FCSK: variants seen among roughly 807,000 people sequenced by gnomAD.
FCSK encodes L-fucose kinase.
In FCSK, 123 loss-of-function variants were observed where a neutral mutation model predicts 122.5. The observed-to-expected ratio is 1.00, with a 90% CI of 0.87 to 1.17. The LOEUF is 1.17. Ranked by LOEUF, FCSK falls within the 50% of genes most tolerant of loss-of-function variation. The pLI, the probability that FCSK is intolerant of heterozygous loss-of-function variation, is 0.00. For missense variants in FCSK, 1,366 were observed against 1,450.4 expected (o/e 0.94, Z 0.95); for synonymous variants, 620 against 625.5 (o/e 0.99, Z 0.13).
At chr16:70,464,381 G>A (rs2048354457) in intron 3 of FCSK, among the ~76,000 whole-genome samples, 1 of 152,164 alleles carries the variant, frequency 6.6e-6, no homozygotes, top group African/African-American at 2.4e-5. Context: ...GCCGGGCGCG[G>A]TGGCTCATGC....
At position 70,479,746 on chromosome 16, in the gene FCSK, T is replaced by C. The variant is rs2048941018; in HGVS notation, c.*66T>C. On this transcript the variant is annotated 3_prime_UTR_variant, in exon 24 of 24. Transcript: ENST00000288078. The stretch of plus-strand genomic sequence containing the variant: ...AGTGTCCCCCACCTTCCTTGCCCCA[T>C]GGGAACCTCCACCTCCTACTCCCCA... The C allele has an allele frequency of 1.5e-6, 2 of 1,306,460 alleles. No homozygotes were observed. Among genetic ancestry groups the C allele is most frequent in the Admixed American group, 3.9e-5 (2 of 51,396 alleles). The allele number at this position is 1,306,460 out of a possible 1,614,324, so 80.9% of individuals were successfully genotyped here.
At chr16:70,459,879 G>A (rs1002287338) in intron 1 of FCSK, among the ~76,000 whole-genome samples, 1 of 148,752 alleles carries the variant, frequency 6.7e-6, no homozygotes, top group Non-Finnish European at 1.5e-5. Context: ...TCGGCTCACT[G>A]CAATCTCTGT....
At position 70,473,286 on chromosome 16, in the gene FCSK, G is replaced by C. The variant is rs997669506; in HGVS notation, c.1710G>C (p.Leu570=). 9.0e-5 allele frequency: 138 copies of C among 1,528,898 alleles called. No individual in the cohort carries two copies. Among genetic ancestry groups the C allele is most frequent in the Non-Finnish European group, 1.1e-4 (128 of 1,139,522 alleles). The allele number at this position is 1,528,898 out of a possible 1,614,324, so 94.7% of individuals were successfully genotyped here. ...TGGAGGCCCGGCAGGACCTCAGCCT[G>C]CGCCCGCTGATCTGGGCTGCTGTCC... ...HVLEARQDLS[L]RPLIWAAVRE... Residue 570 remains leucine (L), a synonymous_variant, in exon 15 of 24, where the codon CTG becomes CTC. Transcript: ENST00000288078. This position sits in a 1 kb window ranked among gnomAD's most constrained non-coding sequence, Gnocchi z 4.9.
intron 1 of FCSK, among the ~76,000 whole-genome samples, chr16:70,462,667 C>T (rs540191170): frequency 1.6e-4 from 24 of 151,428 alleles, no homozygotes; most frequent in Middle Eastern, 3.4e-3. Flanking sequence ...TTTTTTGAGA[C>T]GGAGTCTCCC....
rs774105475 is a variant in FCSK at position 70,469,252 on chromosome 16, A to G, written c.884A>G (p.Asp295Gly). Residue 295 changes from aspartate (D) to glycine (G), a missense_variant, in exon 10 of 24, where the codon GAT becomes GGT. Coordinates refer to ENST00000288078, the MANE Select transcript of FCSK (RefSeq NM_145059.3). ...RPPELGQGDADVAGYLQSARA... is the reference protein window; with the variant it reads ...RPPELGQGDAGVAGYLQSARA... The stretch of plus-strand genomic sequence containing the variant: ...CCAGAGTTGGGGCAAGGCGATGCAG[A>G]TGTAGCGGGTTATCTGCAGAGCGCC... 6.2e-7 allele frequency: 1 copy of G among 1,613,680 alleles called. No individual in the cohort carries two copies. Among genetic ancestry groups the G allele is most frequent in the Non-Finnish European group, 8.5e-7 (1 of 1,179,980 alleles).
chr16:70,475,437 T>C lies in FCSK; in HGVS notation c.2465T>C (p.Phe822Ser). 6.2e-7 allele frequency: 1 copy of C among 1,607,884 alleles called. No homozygotes were observed. The highest frequency in any genetic ancestry group is 8.5e-7 in the Non-Finnish European group (1 of 1,179,498). Residue 822 changes from phenylalanine to serine, a missense_variant, in exon 19 of 24, where the codon TTC (phenylalanine) becomes TCC (serine). Physicochemically the swap from Phe to Ser is radical, Grantham distance 155 (BLOSUM62 -2). Coordinates refer to ENST00000288078, the MANE Select transcript of FCSK (RefSeq NM_145059.3). The stretch of plus-strand genomic sequence containing the variant: ...CTGAGTGAGCAGCTGCTCCGCACCT[T>C]CGGGGGCGGCTTTGAGCTGCACACC... ...LQLSEQLLRTFGGGFELHTWS... is the reference protein window; with the variant it reads ...LQLSEQLLRTSGGGFELHTWS...
chr16:70,479,452 C>T, intron 23 of FCSK, 49 bp downstream of exon 23: 12 of 1,538,276 alleles, frequency 7.8e-6, no homozygotes, highest in Non-Finnish European at 1.1e-5. Context: ...GGCAAGAGAC[C>T]TCACTGTGGC....
chr16:70,478,454 C>A lies in FCSK; in HGVS notation c.2824C>A (p.Leu942Met). The A allele has an allele frequency of 6.2e-7, 1 of 1,614,000 alleles. No individual in the cohort carries two copies. The highest frequency in any genetic ancestry group is 8.5e-7 in the Non-Finnish European group (1 of 1,180,024). Residue 942 changes from leucine (L) to methionine (M), a missense_variant, in exon 21 of 24, where the codon CTG (leucine) becomes ATG (methionine). Physicochemically the swap from Leu to Met is conservative, Grantham distance 15 (BLOSUM62 2). Transcript: ENST00000288078. ...CAAGACCCGCCTGGCTCGGAACCTG[C>A]TGCAGGTGAGCTCTGGCCCCAGCAT... ...TGKTRLARNLLQDVLRSWYAR... is the reference protein window; with the variant it reads ...TGKTRLARNLMQDVLRSWYAR...
chr16:70,467,517 C>T (rs1189371233), intron 7 of FCSK, 46 bp downstream of exon 7: 17 of 1,436,500 alleles, frequency 1.2e-5, no homozygotes, highest in Non-Finnish European at 1.6e-5. Flanking sequence ...AGCCTTCCTC[C>T]TGTCAGTGGG....
chr16:70,466,981 C>T (rs571376277), intron 6 of FCSK, 27 bp downstream of exon 6: 2 of 1,604,010 alleles, frequency 1.2e-6, no homozygotes, highest in Admixed American at 1.7e-5. Context: ...CTGGGACTGC[C>T]TTCCTTCGTC....
chr16:70,468,926 C>G lies in FCSK; in HGVS notation c.741C>G (p.Ala247=). The G allele has an allele frequency of 6.2e-7, 1 of 1,613,954 alleles. No individual in the cohort carries two copies. Among genetic ancestry groups the G allele is most frequent in the South Asian group, 1.1e-5 (1 of 91,084 alleles). The change falls in exon 9 of 24, where the codon GCC becomes GCG. Residue 247 remains alanine (A), a synonymous_variant. Coordinates refer to ENST00000288078, the MANE Select transcript of FCSK (RefSeq NM_145059.3). ...CCCACGTGAGCCCGCCCCTGGATGC[C>G]TGCACCTACCTAGGCTTGGACTCCG... The part of the protein sequence containing the change: ...LATHVSPPLD[A]CTYLGLDSGA...
chr16:70,463,862 G>A (rs556456723), intron 3 of FCSK, 88 bp downstream of exon 3: 74 of 1,390,148 alleles, frequency 5.3e-5, no homozygotes, highest in Middle Eastern at 5.0e-4. Context: ...TGGCTCCATC[G>A]CCTTGGCCAA....
In FCSK at chr16:70,474,567, G is replaced by C. The variant is rs957342101; in HGVS notation, c.2028G>C (p.Gly676=). ...TGCGAGCGGCCCGCCACTATGAGGG[G>C]GCTGGTCAGATCCTGATCCGCCAGG... is the stretch of plus-strand genomic sequence containing the variant. ...LLVRAARHYE[G]AGQILIRQAV... The change falls in exon 17 of 24, where the codon GGG becomes GGC. Residue 676 remains glycine (G), a synonymous_variant. Coordinates refer to ENST00000288078, the MANE Select transcript of FCSK (RefSeq NM_145059.3). The C allele has an allele frequency of 6.4e-7, 1 of 1,557,494 alleles. No homozygotes were observed. Among genetic ancestry groups the C allele is most frequent in the Non-Finnish European group, 8.7e-7 (1 of 1,150,754 alleles).
At chr16:70,472,896 C>G (rs2048673192) in intron 14 of FCSK, 87 bp from the exon 15 acceptor site, 1 of 1,456,084 alleles carries the variant, frequency 6.9e-7, no homozygotes, top group East Asian at 2.5e-5. Context: ...CTGTCCTGTC[C>G]CCATGAACTG....
chr16:70,474,757 G>T, intron 17 of FCSK, 33 bp from the exon 18 acceptor site: 1 of 1,557,122 alleles, frequency 6.4e-7, no homozygotes. Flanking sequence ...GGCAGCTTCT[G>T]TGACCAGCTT....
chr16:70,468,517 G>A (rs943165870), intron 8 of FCSK, among the ~76,000 whole-genome samples: 1 of 152,202 alleles, frequency 6.6e-6, no homozygotes, highest in Non-Finnish European at 1.5e-5. Context: ...TAGGGAGTGC[G>A]GTTGGGAGGA....
intron 7 of FCSK, 26 bp from the exon 8 acceptor site, chr16:70,467,860 C>T: frequency 6.2e-7 from 1 of 1,602,140 alleles, no homozygotes; most frequent in South Asian, 1.1e-5. Flanking sequence ...GCTCCCTCCG[C>T]TGATTCTGTT....
chr16:70,470,928 T>A lies in FCSK; in HGVS notation c.1069-43T>A, dbSNP rs372133777. On this transcript the variant is annotated intron_variant, in intron 11 of 23. Transcript: ENST00000288078. ...CTTGGGAGGAGAGCTGGGGCAGCCC[T>A]GGGCCTCGACCCCCCTCATGCTCCT... 5.1e-5 allele frequency: 77 copies of A among 1,512,746 alleles called. 1 individual carries two copies. In the African/African-American group the frequency reaches 9.1e-4, roughly 18 times the overall value. 93.7% of individuals were successfully genotyped at this position (1,512,746 alleles called of 1,614,324 possible). A position where few individuals can be genotyped will look rare whatever the true frequency, so the allele number is the denominator to read the frequency against.
intron 4 of FCSK, 127 bp downstream of exon 4, chr16:70,465,303 C>A: frequency 1.0e-6 from 1 of 965,210 alleles, no homozygotes; most frequent in Non-Finnish European, 1.5e-6. Context: ...TCTAAATGTC[C>A]AAAAATTGGG....
Sources: allele counts gnomAD v4.1 joint callset (sites outside exome capture counted in the v4.1 genomes callset), GRCh38; gene constraint gnomAD v4.1.1; non-coding constraint Gnocchi (gnomAD v3.1); transcripts MANE v1.5; gene names NCBI Gene and HGNC (gene_info 2026-07-23, HGNC 2026-07-21).